The following ZNF337 variants were observed in gnomAD, a reference collection of about 807,000 sequenced individuals.
ZNF337 encodes the protein zinc finger protein 337.
In ZNF337, 8 loss-of-function variants were observed where a neutral mutation model predicts 12.1. That is an observed-to-expected ratio of 0.66 (90% CI 0.39 to 1.19). The LOEUF (loss-of-function observed/expected upper bound fraction) is 1.19. Ranked by LOEUF, ZNF337 falls within the 50% of genes most tolerant of loss-of-function variation. The pLI, the probability that ZNF337 is intolerant of heterozygous loss-of-function variation, is 0.01. For missense variants in ZNF337, 882 were observed against 896.6 expected, an observed-to-expected ratio of 0.98 and a Z score of 0.21; for synonymous variants, 336 against 320.0, an observed-to-expected ratio of 1.05 and a Z score of -0.53.
chr20:25,686,569 ACCTGCACAATTCC>A, intron 1 of ZNF337, 103 bp from the exon 2 acceptor site: 17 of 843,320 alleles, frequency 2.0e-5, no homozygotes, highest in Non-Finnish European at 2.7e-5. Context: ...GGGAGGGCGC[ACCTGCACAATTCC>A]CCTGTGGGGA....
chr20:25,693,966 A>G (rs2065901160), intron 1 of ZNF337, among the ~76,000 whole-genome samples: 1 of 152,098 alleles, frequency 6.6e-6, no homozygotes, highest in Non-Finnish European at 1.5e-5. Context: ...GTTAAAAAAA[A>G]AGGACCCAAA....
chr20:25,685,524 G>A lies in ZNF337; in HGVS notation c.250+43C>T, dbSNP rs1208210649. The A allele has an allele frequency of 1.9e-6, 3 of 1,544,692 alleles. No homozygotes were observed. In the Middle Eastern group the frequency reaches 5.3e-4, roughly 272 times the overall value. ...CAGAGAAGCCTCCTCCCTCCTGAAA[G>A]GCGGAGTGCCTTGTGCTCTGTCTGC... On this transcript the variant is annotated intron_variant, in intron 4 of 4. Transcript: ENST00000252979.
Position 25,674,778 on chromosome 20 carries a change from GAA to G in ZNF337, c.*252_*253del. Reference sequence around the variant, plus strand: ...TACAACAAGAATATGTGCTCAGTAGGAAAGAGACCACATTTCCCCAATAGCCC... The same window carrying G: ...TACAACAAGAATATGTGCTCAGTAGGAGAGACCACATTTCCCCAATAGCCC... On this transcript the variant is annotated 3_prime_UTR_variant, in exon 5 of 5. Transcript: ENST00000252979. 1 of 541,012 alleles carries G rather than the reference GAA, an allele frequency of 1.8e-6. No homozygotes were observed. The highest frequency in any genetic ancestry group is 2.3e-5 in the South Asian group (1 of 43,040). The allele number at this position is 541,012 out of a possible 1,614,324, so 33.5% of individuals were successfully genotyped here.
intron 1 of ZNF337, among the ~76,000 whole-genome samples, chr20:25,687,550 A>C (rs758659710): frequency 6.6e-6 from 1 of 152,346 alleles, no homozygotes; most frequent in South Asian, 2.1e-4. Flanking sequence ...CTAGCCAGTA[A>C]CTTTGAGACA....
chr20:25,689,345 C>T (rs1248760714), intron 1 of ZNF337, among the ~76,000 whole-genome samples: 1 of 152,086 alleles, frequency 6.6e-6, no homozygotes, highest in Non-Finnish European at 1.5e-5. Context: ...GTTGCTTACT[C>T]TATGTTCACT....
chr20:25,675,620 C>T lies in ZNF337; in HGVS notation c.1668G>A (p.Lys556=), dbSNP rs1204183174. 5 of 1,614,062 alleles carry T rather than the reference C, an allele frequency of 3.1e-6. No homozygotes were observed. Among genetic ancestry groups the T allele is most frequent in the Non-Finnish European group, 4.2e-6 (5 of 1,180,006 alleles). ...TCCACTGATGTCTAAGAAGATTTGC[C>T]TTCAAACTAAAACTTTTCTCACACT... ...CKQCEKSFSL[K]ANLLRHQWTH... The change falls in exon 5 of 5, where the codon AAG becomes AAA. Residue 556 remains lysine (K), a synonymous_variant. Transcript: ENST00000252979.
At chr20:25,677,089 G>A in intron 4 of ZNF337, 52 bp from the exon 5 acceptor site, 1 of 1,430,792 alleles carries the variant, frequency 7.0e-7, no homozygotes, top group Non-Finnish European at 9.3e-7. Context: ...AGTCTTCTAT[G>A]AAAGAAAAAC....
At chr20:25,677,451 C>T (rs553728251) in intron 4 of ZNF337, 1 of 160,134 alleles carries the variant, frequency 6.2e-6, no homozygotes, top group African/African-American at 2.4e-5. Flanking sequence ...TACATCACAT[C>T]AACAGAGTGA....
At chr20:25,694,618 C>G (rs886310728) in intron 1 of ZNF337, among the ~76,000 whole-genome samples, 2 of 152,188 alleles carry the variant, frequency 1.3e-5, no homozygotes, top group Non-Finnish European at 2.9e-5. Context: ...GGAAGCCCTA[C>G]CAACCTGGTG....
chr20:25,685,724 T>A, intron 3 of ZNF337, 62 bp from the exon 4 acceptor site: 1 of 1,459,660 alleles, frequency 6.9e-7, no homozygotes, highest in Non-Finnish European at 9.6e-7. Flanking sequence ...GGCCATTTGC[T>A]GGAGCCACCC....
intron 4 of ZNF337, among the ~76,000 whole-genome samples, chr20:25,680,275 A>G (rs2065754952): frequency 6.6e-6 from 1 of 152,180 alleles, no homozygotes; most frequent in Non-Finnish European, 1.5e-5. Flanking sequence ...AAAATGGAGT[A>G]TACAGAGAAA....
In ZNF337 at chr20:25,685,653, T is replaced by G; in HGVS notation, c.164A>C (p.His55Pro). ...CCGCCTGATGAGTTCTGGTTTAGAA[T>G]GGAGAATTCCTGCTCACAGGGAAAA... is the stretch of plus-strand genomic sequence containing the variant. ...YSHLVSLGIL[H>P]SKPELIRRLE... Residue 55 changes from histidine to proline, a missense_variant, in exon 4 of 5, where the codon CAT becomes CCT. Coordinates refer to ENST00000252979, the MANE Select transcript of ZNF337 (RefSeq NM_015655.4). 6.2e-7 allele frequency: 1 copy of G among 1,613,924 alleles called. No homozygotes were observed. Among genetic ancestry groups the G allele is most frequent in the Non-Finnish European group, 8.5e-7 (1 of 1,179,966 alleles).
At chr20:25,684,096 C>T (rs2065798804) in intron 4 of ZNF337, among the ~76,000 whole-genome samples, 1 of 150,984 alleles carries the variant, frequency 6.6e-6, no homozygotes, top group African/African-American at 2.4e-5. Flanking sequence ...AGCAAACTAT[C>T]TCAAGGACAA....
intron 1 of ZNF337, 104 bp downstream of exon 1, chr20:25,696,655 G>A (rs762417788): frequency 6.9e-5 from 56 of 811,496 alleles, no homozygotes; most frequent in Non-Finnish European, 8.3e-5. Context: ...GGAGGAGCGC[G>A]CGCTACGGCC....
chr20:25,681,539 A>G (rs539680281), intron 4 of ZNF337, among the ~76,000 whole-genome samples: 2 of 152,332 alleles, frequency 1.3e-5, no homozygotes, highest in Middle Eastern at 3.4e-3. Context: ...TAATTTTCTG[A>G]TAGAGAGTAT....
Position 25,675,988 on chromosome 20 carries a change from A to G in ZNF337, c.1300T>C (p.Cys434Arg). The stretch of plus-strand genomic sequence containing the variant: ...ATAAATCCTTGCCCACATTCTCTAC[A>G]AACAAAAGGTTTCTCCCCTGAGTGT... ...RTHSGEKPFV[C>R]RECGQGFIQK... The change falls in exon 5 of 5, where the codon TGT becomes CGT. Residue 434 changes from cysteine to arginine, a missense_variant. Cys to Arg is a radical substitution (Grantham distance 180). Transcript: ENST00000252979. The G allele has an allele frequency of 6.2e-7, 1 of 1,613,636 alleles. No individual in the cohort carries two copies. Among genetic ancestry groups the G allele is most frequent in the Non-Finnish European group, 8.5e-7 (1 of 1,179,670 alleles).
chr20:25,686,724 C>G (rs1600446538), intron 1 of ZNF337: 3 of 448,338 alleles, frequency 6.7e-6, no homozygotes, highest in African/African-American at 3.9e-5. Flanking sequence ...ATGAGGAACA[C>G]CTGCAGATGA....
chr20:25,680,466 A>C lies in ZNF337; in HGVS notation c.251-3429T>G, dbSNP rs144863883. 7.6e-3 allele frequency among the ~76,000 whole-genome samples: 1,160 copies of C among 152,292 alleles called. 12 individuals are homozygous for C. Among genetic ancestry groups the C allele is most frequent in the Non-Finnish European group, 0.011 (745 of 68,006 alleles). On this transcript the variant is annotated intron_variant, in intron 4 of 4. Transcript: ENST00000252979. The stretch of plus-strand genomic sequence containing the variant: ...TACAAAGGGGAGATATTTATATATA[A>C]ATGGAGAATAATAAAGAATTATCTT...
intron 4 of ZNF337, among the ~76,000 whole-genome samples, chr20:25,679,491 A>G (rs1375268651): frequency 6.6e-6 from 1 of 152,162 alleles, no homozygotes; most frequent in Non-Finnish European, 1.5e-5. Flanking sequence ...ATCCAACTAA[A>G]AAGTGGGAAA....
Sources: allele counts gnomAD v4.1 joint callset (sites outside exome capture counted in the v4.1 genomes callset), GRCh38; gene constraint gnomAD v4.1.1; transcripts MANE v1.5; gene names NCBI Gene and HGNC (gene_info 2026-07-23, HGNC 2026-07-21).